Variants in CPNE8 observed in about 807,000 individuals in gnomAD.
The protein encoded by CPNE8 is copine-8.
In CPNE8, 45 loss-of-function variants were observed where a neutral mutation model predicts 81.5. That is an observed-to-expected ratio of 0.55 (90% CI 0.44 to 0.71). CPNE8 has a LOEUF of 0.71. Ranked by LOEUF, CPNE8 falls within the 30% of genes least tolerant of loss-of-function variation. The pLI is 0.00. For synonymous variants in CPNE8, 252 were observed against 226.3 expected (o/e 1.11, Z -1.02); for missense variants, 594 against 672.1 (o/e 0.88, Z 1.28).
chr12:38,835,426 A>G (rs1319860862), intron 5 of CPNE8, among the ~76,000 whole-genome samples: 1 of 152,202 alleles, frequency 6.6e-6, no homozygotes, highest in Non-Finnish European at 1.5e-5. Flanking sequence ...AAAGTCAAGT[A>G]TCTTAATCAC....
intron 13 of CPNE8, among the ~76,000 whole-genome samples, chr12:38,712,629 T>C (rs996479411): frequency 2.6e-5 from 4 of 152,242 alleles, no homozygotes; most frequent in Admixed American, 6.5e-5. Context: ...AACTTACTGA[T>C]ATTGATCTAG....
At chr12:38,771,848 G>T (rs1398475289) in intron 7 of CPNE8, among the ~76,000 whole-genome samples, 2 of 152,136 alleles carry the variant, frequency 1.3e-5, no homozygotes. Context: ...GCTCAGCAAA[G>T]GAAACAATCA....
chr12:38,712,665 G>T (rs1940288954), intron 13 of CPNE8, among the ~76,000 whole-genome samples: 1 of 152,138 alleles, frequency 6.6e-6, no homozygotes, highest in Admixed American at 6.5e-5. Context: ...GTATCAAGAA[G>T]CCCACTTTAG....
chr12:38,814,160 A>C (rs1368821461), intron 6 of CPNE8, among the ~76,000 whole-genome samples: 1 of 152,026 alleles, frequency 6.6e-6, no homozygotes, highest in African/African-American at 2.4e-5. Context: ...GTCTCTAGAG[A>C]AGCCTCTGTG....
chr12:38,718,077 T>C (rs1940453795), intron 13 of CPNE8, among the ~76,000 whole-genome samples: 1 of 152,116 alleles, frequency 6.6e-6, no homozygotes, highest in Non-Finnish European at 1.5e-5. Context: ...TCCACAAATC[T>C]TCAAATGTAC....
chr12:38,809,344 G>A (rs1942887996), intron 6 of CPNE8, among the ~76,000 whole-genome samples: 1 of 152,164 alleles, frequency 6.6e-6, no homozygotes, highest in Admixed American at 6.6e-5. Flanking sequence ...GCAACAAGTA[G>A]GTTGAGTGCC....
At chr12:38,843,095 G>A (rs563293679) in intron 4 of CPNE8, among the ~76,000 whole-genome samples, 2 of 152,164 alleles carry the variant, frequency 1.3e-5, no homozygotes, top group South Asian at 4.1e-4. Context: ...TTTCTCCTAA[G>A]AGGATGCATC....
intron 13 of CPNE8, among the ~76,000 whole-genome samples, chr12:38,703,246 G>A (rs1265037682): frequency 6.6e-6 from 1 of 152,106 alleles, no homozygotes. Context: ...CAGCCTCAAT[G>A]CCATCATGTA....
intron 6 of CPNE8, among the ~76,000 whole-genome samples, chr12:38,806,632 C>G (rs1009223049): frequency 4.1e-5 from 6 of 145,418 alleles, no homozygotes; most frequent in African/African-American, 1.5e-4. Flanking sequence ...TATGACAAAC[C>G]CACAGCCAAT....
chr12:38,676,066 T>C, intron 17 of CPNE8: 1 of 187,850 alleles, frequency 5.3e-6, no homozygotes, highest in Non-Finnish European at 9.6e-6. Context: ...CAGTGAGCTA[T>C]GATCGTGCCA....
chr12:38,702,527 T>A (rs932620597), intron 14 of CPNE8, among the ~76,000 whole-genome samples: 1 of 152,104 alleles, frequency 6.6e-6, no homozygotes, highest in African/African-American at 2.4e-5. Context: ...ACTTCAGAAT[T>A]ATAGTTATAG....
intron 1 of CPNE8, among the ~76,000 whole-genome samples, chr12:38,888,683 C>T (rs1944270059): frequency 6.6e-6 from 1 of 152,148 alleles, no homozygotes; most frequent in South Asian, 2.1e-4. Flanking sequence ...CTCAAAGGCT[C>T]TCATCTCGGC....
chr12:38,796,506 T>A (rs1276732144), intron 6 of CPNE8, among the ~76,000 whole-genome samples: 1 of 152,194 alleles, frequency 6.6e-6, no homozygotes, highest in Non-Finnish European at 1.5e-5. Flanking sequence ...CTCTGGGAGA[T>A]GTTTTCAAAA....
chr12:38,803,572 G>A (rs1487854391), intron 6 of CPNE8, among the ~76,000 whole-genome samples: 1 of 136,532 alleles, frequency 7.3e-6, no homozygotes, highest in Non-Finnish European at 1.6e-5. Flanking sequence ...GCAAAAACTG[G>A]AAGCATTCCC....
chr12:38,784,387 G>A (rs1942126119), intron 6 of CPNE8, among the ~76,000 whole-genome samples: 1 of 152,024 alleles, frequency 6.6e-6, no homozygotes, highest in Non-Finnish European at 1.5e-5. Flanking sequence ...AGCCCCCAAA[G>A]GGCAAATCTA....
At chr12:38,762,714 A>C (rs1941597146) in intron 8 of CPNE8, among the ~76,000 whole-genome samples, 1 of 152,178 alleles carries the variant, frequency 6.6e-6, no homozygotes, top group Admixed American at 6.5e-5. Flanking sequence ...AATCACAGGA[A>C]AGGTTTTTGG....
intron 19 of CPNE8, among the ~76,000 whole-genome samples, chr12:38,666,387 G>A (rs540771785): frequency 1.3e-5 from 2 of 152,190 alleles, no homozygotes; most frequent in South Asian, 2.1e-4. Context: ...ATCTGGGGCT[G>A]GCTTCAGTTT....
intron 6 of CPNE8, among the ~76,000 whole-genome samples, chr12:38,826,334 A>G (rs531118416): frequency 5.3e-5 from 8 of 152,340 alleles, no homozygotes; most frequent in Admixed American, 5.2e-4. Flanking sequence ...CCTTCAATAA[A>G]GTTGTCTAAA....
At chr12:38,749,515 T>C (rs1941307395) in intron 10 of CPNE8, among the ~76,000 whole-genome samples, 1 of 152,170 alleles carries the variant, frequency 6.6e-6, no homozygotes, top group East Asian at 1.9e-4. Context: ...TGGAACTTCA[T>C]AGAGTCTTGT....
Sources: allele counts gnomAD v4.1 joint callset (sites outside exome capture counted in the v4.1 genomes callset), GRCh38; gene constraint gnomAD v4.1.1; transcripts MANE v1.5; gene names NCBI Gene and HGNC (gene_info 2026-07-23, HGNC 2026-07-21).